The following KCNIP4 variants were observed in gnomAD, a reference collection of about 807,000 sequenced individuals.
The protein encoded by KCNIP4 is Kv channel-interacting protein 4.
KCNIP4 carries 12 observed loss-of-function variants against 34.0 expected under a neutral mutation model. That is an observed-to-expected ratio of 0.35 (90% CI 0.23 to 0.57). The LOEUF (loss-of-function observed/expected upper bound fraction) is 0.57, where lower values mean the gene tolerates loss of function less well. Ranked by LOEUF, KCNIP4 falls within the 20% of genes least tolerant of loss-of-function variation. The probability of loss-of-function intolerance (pLI) is 0.83; values close to 1 mark genes in which losing one functional copy is unlikely to be tolerated. For synonymous variants in KCNIP4, 124 were observed against 102.2 expected (o/e 1.21, Z -1.29); for missense variants, 238 against 311.7 (o/e 0.76, Z 1.78).
chr4:21,868,142 T>C (rs769010197), intron 1 of KCNIP4, among the ~76,000 whole-genome samples: 30 of 152,214 alleles, frequency 2.0e-4, no homozygotes, highest in Non-Finnish European at 3.8e-4. Flanking sequence ...TTTTCATGTG[T>C]ATTCAGTAAC....
intron 1 of KCNIP4, among the ~76,000 whole-genome samples, chr4:21,737,627 G>C (rs11725634): frequency 0.092 from 13,978 of 152,216 alleles, 678 homozygotes; most frequent in Middle Eastern, 0.18. Context: ...GCAGAATGCA[G>C]GATTCTCTTT....
intron 1 of KCNIP4, among the ~76,000 whole-genome samples, chr4:21,651,210 G>T (rs962845251): frequency 6.6e-6 from 1 of 152,158 alleles, no homozygotes; most frequent in African/African-American, 2.4e-5. Flanking sequence ...TTCTACAAGA[G>T]CATGGTTCAT....
chr4:21,914,953 C>CT (rs1196161976), intron 1 of KCNIP4, among the ~76,000 whole-genome samples: 6 of 151,622 alleles, frequency 4.0e-5, no homozygotes, highest in South Asian at 2.1e-4. Flanking sequence ...ATGAAAGGTT[C>CT]TTTTTTTTGG....
At chr4:20,920,145 T>G (rs1729249285) in intron 1 of KCNIP4, among the ~76,000 whole-genome samples, 2 of 152,196 alleles carry the variant, frequency 1.3e-5, no homozygotes, top group Admixed American at 6.5e-5. Context: ...TTATATGCAA[T>G]TAGACGCAAT....
intron 1 of KCNIP4, among the ~76,000 whole-genome samples, chr4:21,398,155 G>A (rs1723167880): frequency 1.3e-5 from 2 of 152,172 alleles, no homozygotes; most frequent in Admixed American, 1.3e-4. Context: ...ATTCAGGTAT[G>A]TTTTCCCAGA....
intron 1 of KCNIP4, among the ~76,000 whole-genome samples, chr4:21,310,466 A>T (rs1713029906): frequency 6.6e-6 from 1 of 152,166 alleles, no homozygotes; most frequent in African/African-American, 2.4e-5. Context: ...CAAAATCAGC[A>T]TCAGTGACCT....
At chr4:21,354,592 T>G (rs1718374601) in intron 1 of KCNIP4, among the ~76,000 whole-genome samples, 2 of 152,022 alleles carry the variant, frequency 1.3e-5, no homozygotes, top group Non-Finnish European at 2.9e-5. Context: ...CAACAAGAAG[T>G]GCTAACTATC....
chr4:21,804,531 TTG>T lies in KCNIP4; in HGVS notation c.61+144038_61+144039del, dbSNP rs547060305. Reference sequence around the variant, plus strand: ...GTTGTAGAAGTCATTCATCAAATAATTGATGAAAACCTGAATGAATAAATTTA... The same window carrying T: ...GTTGTAGAAGTCATTCATCAAATAATATGAAAACCTGAATGAATAAATTTA... On this transcript the variant is annotated intron_variant, in intron 1 of 8. Transcript: ENST00000382152. Among the ~76,000 whole-genome samples, 72 of 152,292 alleles carry T rather than the reference TTG, an allele frequency of 4.7e-4. 1 individual carries two copies. Among genetic ancestry groups the T allele is most frequent in the African/African-American group, 1.6e-3 (68 of 41,554 alleles).
intron 1 of KCNIP4, among the ~76,000 whole-genome samples, chr4:21,912,741 A>G (rs1728408179): frequency 6.6e-6 from 1 of 151,948 alleles, no homozygotes; most frequent in African/African-American, 2.4e-5. Context: ...TAACAGAGAA[A>G]GCAAAGAGTG....
chr4:21,077,547 G>A (rs1745599358), intron 1 of KCNIP4, among the ~76,000 whole-genome samples: 1 of 152,044 alleles, frequency 6.6e-6, no homozygotes, highest in African/African-American at 2.4e-5. Flanking sequence ...CATAATCAGA[G>A]TGCCCTAGTT....
At chr4:20,890,865 A>T (rs1725846432) in intron 1 of KCNIP4, among the ~76,000 whole-genome samples, 1 of 152,158 alleles carries the variant, frequency 6.6e-6, no homozygotes, top group African/African-American at 2.4e-5. Context: ...GCCTATCATC[A>T]TCTTGATTGC....
intron 1 of KCNIP4, among the ~76,000 whole-genome samples, chr4:21,330,946 C>T (rs548876564): frequency 6.6e-6 from 1 of 152,248 alleles, no homozygotes; most frequent in South Asian, 2.1e-4. Flanking sequence ...AAGCTAAAAC[C>T]TGCCCCTTTA....
chr4:21,356,122 C>T (rs928933899), intron 1 of KCNIP4, among the ~76,000 whole-genome samples: 2 of 152,018 alleles, frequency 1.3e-5, no homozygotes, highest in African/African-American at 2.4e-5. Context: ...ATTCAACAGC[C>T]CTTCATGCTA....
At chr4:21,679,365 T>C (rs939707436) in intron 1 of KCNIP4, among the ~76,000 whole-genome samples, 2 of 152,220 alleles carry the variant, frequency 1.3e-5, no homozygotes, top group African/African-American at 4.8e-5. Context: ...TATGGATGTA[T>C]CCAAAGTTTG....
rs537647891 is a variant in KCNIP4 at position 21,457,860 on chromosome 4, G to T, written c.61+490711C>A. Among the ~76,000 whole-genome samples, 13 of 152,096 alleles carry T rather than the reference G, an allele frequency of 8.5e-5. No individual in the cohort carries two copies. The South Asian group carries it at 2.7e-3, about 32-fold the overall frequency. On this transcript the variant is annotated intron_variant, in intron 1 of 8. Transcript: ENST00000382152. Reference sequence around the variant, plus strand: ...CATGACATTCTCTGAACCACATATAGACATACACACATACAAAAATAATCT... The same window carrying T: ...CATGACATTCTCTGAACCACATATATACATACACACATACAAAAATAATCT...
intron 1 of KCNIP4, among the ~76,000 whole-genome samples, chr4:21,690,243 T>C (rs1419231985): frequency 6.6e-6 from 1 of 151,692 alleles, no homozygotes; most frequent in African/African-American, 2.4e-5. Context: ...CCTCAGATCT[T>C]ACCTTCCCAA....
At chr4:21,436,350 A>C (rs769972611) in intron 1 of KCNIP4, among the ~76,000 whole-genome samples, 1 of 152,222 alleles carries the variant, frequency 6.6e-6, no homozygotes, top group Non-Finnish European at 1.5e-5. Flanking sequence ...CTTAGGTTCC[A>C]GGAACTTGAG....
rs149349931 is a variant in KCNIP4, at chr4:21,716,306, G to A, written c.61+232265C>T. ...GGCTGGAGTGCAATGGCGTGATCTC[G>A]GCTCACTGCACCCTCTGCCTCCCGG... On this transcript the variant is annotated intron_variant, in intron 1 of 8. Coordinates refer to ENST00000382152, the MANE Select transcript of KCNIP4 (RefSeq NM_025221.6). Among the ~76,000 whole-genome samples, 1,179 of 151,976 alleles carry A rather than the reference G, an allele frequency of 7.8e-3. 35 individuals are homozygous for A. The East Asian group carries it at 0.11, about 14-fold the overall frequency.
chr4:21,622,936 A>C (rs1158705064), intron 1 of KCNIP4, among the ~76,000 whole-genome samples: 1 of 150,616 alleles, frequency 6.6e-6, no homozygotes. Context: ...TTTCAAATAC[A>C]ATAGGTGAAA....
Sources: gnomAD v4.1 joint callset for allele counts (sites outside exome capture counted in the v4.1 genomes callset) on GRCh38, gnomAD v4.1.1 for gene constraint, MANE v1.5 for transcripts, NCBI Gene and HGNC (gene_info 2026-07-23, HGNC 2026-07-21) for gene names.